LAMP2: variants seen among roughly 807,000 people sequenced by gnomAD.
LAMP2 encodes lysosome-associated membrane glycoprotein 2.
Under a neutral mutation model 25.6 loss-of-function variants are expected in LAMP2, and 4 were observed. The ratio of observed to expected loss-of-function variants is 0.16; its 90% CI spans 0.08 to 0.36. The LOEUF (loss-of-function observed/expected upper bound fraction) is 0.36. Among genes scored for constraint, LAMP2 ranks in the 10% least tolerant of loss-of-function variants. The pLI, the probability that LAMP2 is intolerant of heterozygous loss-of-function variation, is 1.00. For missense variants in LAMP2, 272 were observed against 301.4 expected (o/e 0.90, Z 0.72); for synonymous variants, 108 against 112.7 (o/e 0.96, Z 0.27).
At position 120,429,336 on chromosome X, in the gene LAMP2, C is replaced by A. The variant is rs2058513521; in HGVS notation, c.*1987G>T. The A allele has an allele frequency of 5.8e-6, 4 of 684,872 alleles. No homozygotes were observed. The South Asian group carries it at 2.3e-4, about 39-fold the overall frequency. 56.4% of individuals were successfully genotyped at this position (684,872 alleles called of 1,213,427 possible). Reference sequence around the variant, plus strand: ...CAGAACTGTGTTTAAATCTTGACTCCTTCCAGTACTAGCCAAAGGACCTTG... The same window carrying A: ...CAGAACTGTGTTTAAATCTTGACTCATTCCAGTACTAGCCAAAGGACCTTG... On this transcript the variant is annotated 3_prime_UTR_variant, in exon 9 of 9. Coordinates refer to ENST00000200639, the MANE Select transcript of LAMP2 (RefSeq NM_002294.3).
intron 8 of LAMP2, 74 bp downstream of exon 8, chrX:120,441,656 G>T: frequency 1.1e-6 from 1 of 876,636 alleles, no homozygotes; most frequent in Non-Finnish European, 1.7e-6. Flanking sequence ...ACGTTTAAAT[G>T]TCTATGATTC....
intron 7 of LAMP2, 144 bp downstream of exon 7, chrX:120,442,455 A>G: frequency 1.8e-6 from 1 of 568,638 alleles, no homozygotes; most frequent in Middle Eastern, 3.2e-4. Context: ...TAAGTTACTG[A>G]TTTTAAGGTA....
At chrX:120,454,900 T>G (rs1602539455) in intron 3 of LAMP2, among the ~76,000 whole-genome samples, 1 of 52,512 alleles carries the variant, frequency 1.9e-5, no homozygotes, top group African/African-American at 8.4e-5. Flanking sequence ...TACTAGGAGA[T>G]ATATATATAT....
At chrX:120,438,967 G>T in intron 8 of LAMP2, 2 of 1,041,690 alleles carry the variant, frequency 1.9e-6, no homozygotes, top group East Asian at 3.6e-5. Context: ...AAATTCCTTG[G>T]TTGGAAAAAC....
chrX:120,452,539 CTT>C (rs1043637267), intron 3 of LAMP2, among the ~76,000 whole-genome samples: 31 of 106,503 alleles, frequency 2.9e-4, no homozygotes, highest in African/African-American at 9.8e-4. Flanking sequence ...ATCAGCCAGT[CTT>C]TTCTTTTTCT....
chrX:120,458,866 C>G (rs1467460401), intron 1 of LAMP2, among the ~76,000 whole-genome samples: 1 of 111,390 alleles, frequency 9.0e-6, no homozygotes, highest in African/African-American at 3.3e-5. Flanking sequence ...CAATCTATCA[C>G]CCCACACCTA....
chrX:120,466,836 ACTT>A (rs200249465), intron 1 of LAMP2, among the ~76,000 whole-genome samples: 76 of 94,426 alleles, frequency 8.0e-4, no homozygotes, highest in African/African-American at 2.5e-3. Context: ...AGGACAAATA[ACTT>A]CTTTTTTTTT....
Position 120,456,638 on chromosome X carries a change from A to G in LAMP2, c.183+13T>C. 2.3e-6 allele frequency: 2 copies of G among 883,807 alleles called. No homozygotes were observed. The highest frequency in any genetic ancestry group is 3.3e-6 in the Non-Finnish European group (2 of 611,628). The allele number at this position is 883,807 out of a possible 1,213,427, so 72.8% of individuals were successfully genotyped here. A position where few individuals can be genotyped will look rare whatever the true frequency, so the allele number is the denominator to read the frequency against. On this transcript the variant is annotated intron_variant, in intron 2 of 8. Transcript: ENST00000200639. The stretch of plus-strand genomic sequence containing the variant: ...ACTATAAAACTCAAAGAAAAATTAA[A>G]ATATATACTTACATAAGTTTTATTT...
intron 8 of LAMP2, among the ~76,000 whole-genome samples, chrX:120,440,397 T>A (rs957639900): frequency 4.3e-4 from 48 of 112,269 alleles, no homozygotes; most frequent in Admixed American, 3.0e-3. Context: ...ATTGCAATTC[T>A]ATTTCTTTCC....
At position 120,429,917 on chromosome X, in the gene LAMP2, CTAATTT is replaced by C; in HGVS notation, c.*1400_*1405del. 2 of 751,786 alleles carry C rather than the reference CTAATTT, an allele frequency of 2.7e-6. No homozygotes were observed. Among genetic ancestry groups the C allele is most frequent in the South Asian group, 6.8e-5 (1 of 14,802 alleles). 62.0% of individuals were successfully genotyped at this position (751,786 alleles called of 1,213,427 possible). ...TTAAGCAATAACTTGTACTTTTCTT[CTAATTT>C]TAACTTTTCCTCCTCTTGTACTTTT... is the stretch of plus-strand genomic sequence containing the variant. On this transcript the variant is annotated 3_prime_UTR_variant, in exon 9 of 9. Coordinates refer to ENST00000200639, the MANE Select transcript of LAMP2 (RefSeq NM_002294.3).
chrX:120,455,612 G>T, intron 2 of LAMP2, 42 bp from the exon 3 acceptor site: 1 of 1,007,063 alleles, frequency 9.9e-7, no homozygotes, highest in Non-Finnish European at 1.4e-6. Flanking sequence ...CAAACAGGCA[G>T]CAAGGAACAC....
In LAMP2 at chrX:120,456,781, T is replaced by A. The variant is rs730880474; in HGVS notation, c.65-12A>T. 5.3e-6 allele frequency: 5 copies of A among 948,053 alleles called. No homozygotes were observed. Among genetic ancestry groups the A allele is most frequent in the Non-Finnish European group, 7.4e-6 (5 of 674,692 alleles). 78.1% of individuals were successfully genotyped at this position (948,053 alleles called of 1,213,427 possible). A position where few individuals can be genotyped will look rare whatever the true frequency, so the allele number is the denominator to read the frequency against. On this transcript the variant is annotated splice_polypyrimidine_tract_variant and intron_variant, in intron 1 of 8. Transcript: ENST00000200639. ...AGACCGCACAGCTCCTGGATTCATTTAAAAAAATAATATTTTAAAATTGTA... is the reference window on the plus strand; with the variant it reads ...AGACCGCACAGCTCCTGGATTCATTAAAAAAAATAATATTTTAAAATTGTA...
intron 6 of LAMP2, among the ~76,000 whole-genome samples, chrX:120,443,968 G>A (rs2239007): frequency 9.4e-6 from 1 of 106,546 alleles, no homozygotes; most frequent in Non-Finnish European, 1.9e-5. Flanking sequence ...GCGACAAAGC[G>A]AGACTCTGTC....
chrX:120,437,141 TAA>T (rs1350270003), intron 8 of LAMP2: 41 of 746,629 alleles, frequency 5.5e-5, no homozygotes, highest in Non-Finnish European at 4.7e-5. Context: ...GCTGTAGCTC[TAA>T]GAGAGGGGTT....
intron 1 of LAMP2, among the ~76,000 whole-genome samples, chrX:120,463,509 T>C (rs2147291156): frequency 9.0e-6 from 1 of 111,592 alleles, no homozygotes; most frequent in African/African-American, 3.2e-5. Context: ...AGTATACTTT[T>C]GGGTCTGAGG....
At chrX:120,444,032 GAAAGAAAAGAAAAGAAA>G (rs1316854443) in intron 6 of LAMP2, among the ~76,000 whole-genome samples, 9 of 100,853 alleles carry the variant, frequency 8.9e-5, no homozygotes, top group African/African-American at 2.6e-4. Flanking sequence ...AGGAAGGAAG[GAAAGAAAAGAAAAGAAA>G]AAAGAAAAGA....
chrX:120,428,265 C>A lies in LAMP2; in HGVS notation c.*3058G>T. 3.1e-6 allele frequency: 1 copy of A among 325,827 alleles called. No individual in the cohort carries two copies. The highest frequency in any genetic ancestry group is 4.9e-6 in the Non-Finnish European group (1 of 204,568). 26.9% of individuals were successfully genotyped at this position (325,827 alleles called of 1,213,427 possible). A position where few individuals can be genotyped will look rare whatever the true frequency, so the allele number is the denominator to read the frequency against. On this transcript the variant is annotated 3_prime_UTR_variant, in exon 9 of 9. Transcript: ENST00000200639. ...TAAAAAATTCTAAGCCACAATTTTT[C>A]TTTTAATTATACTTTAACAAAGGAA...
chrX:120,432,868 G>A (rs1402742176), intron 8 of LAMP2, among the ~76,000 whole-genome samples: 2 of 108,538 alleles, frequency 1.8e-5, no homozygotes, highest in African/African-American at 3.4e-5. Flanking sequence ...GCTGAGATGG[G>A]AGAACTGTTT....
Position 120,457,083 on chromosome X carries a change from C to T in LAMP2, c.65-314G>A, listed in dbSNP as rs73639316. Among the ~76,000 whole-genome samples the T allele has an allele frequency of 0.053, 5,828 of 110,986 alleles. 404 individuals are homozygous for T. Among genetic ancestry groups the T allele is most frequent in the African/African-American group, 0.18 (5,428 of 30,383 alleles). ...CTTAGGTCATGGCTCAGACTGGTGA[C>T]ATTTATTTGCCTTTTGCCTTCAAAT... On this transcript the variant is annotated intron_variant, in intron 1 of 8. Coordinates refer to ENST00000200639, the MANE Select transcript of LAMP2 (RefSeq NM_002294.3).
Sources: allele counts gnomAD v4.1 joint callset (sites outside exome capture counted in the v4.1 genomes callset), GRCh38; gene constraint gnomAD v4.1.1; transcripts MANE v1.5; gene names NCBI Gene and HGNC (gene_info 2026-07-23, HGNC 2026-07-21).